Variants in HOOK1 observed in about 807,000 individuals in gnomAD.
The protein encoded by HOOK1 is protein Hook homolog 1.
HOOK1 carries 60 observed loss-of-function variants against 112.8 expected under a neutral mutation model. That is an observed-to-expected ratio of 0.53 (90% CI 0.43 to 0.66). The LOEUF (loss-of-function observed/expected upper bound fraction) is 0.66. Among genes scored for constraint, HOOK1 ranks in the 30% least tolerant of loss-of-function variants. The pLI is 0.00. For synonymous variants in HOOK1, 294 were observed against 283.8 expected (o/e 1.04, Z -0.36); for missense variants, 770 against 856.0 (o/e 0.90, Z 1.25).
chr1:59,815,309 G>A, intron 1 of HOOK1, 129 bp downstream of exon 1: 1 of 861,266 alleles, frequency 1.2e-6, no homozygotes, highest in Non-Finnish European at 1.7e-6. Flanking sequence ...TTCTCACCTC[G>A]TGCCCTTGAC....
At chr1:59,822,911 G>C (rs2098386656) in intron 2 of HOOK1, among the ~76,000 whole-genome samples, 1 of 152,154 alleles carries the variant, frequency 6.6e-6, no homozygotes, top group Non-Finnish European at 1.5e-5. Flanking sequence ...TGATTTAATG[G>C]TTAATTTATG....
chr1:59,840,049 C>T (rs901780836), intron 7 of HOOK1, among the ~76,000 whole-genome samples: 16 of 152,070 alleles, frequency 1.1e-4, no homozygotes, highest in Non-Finnish European at 1.6e-4. Flanking sequence ...CCAACTTGAT[C>T]GTGGTGGATA....
chr1:59,864,296 A>G (rs893061188), intron 16 of HOOK1, among the ~76,000 whole-genome samples: 1 of 151,922 alleles, frequency 6.6e-6, no homozygotes, highest in Non-Finnish European at 1.5e-5. Context: ...AAAATATTTT[A>G]ATGTTTGATA....
intron 5 of HOOK1, among the ~76,000 whole-genome samples, chr1:59,834,165 T>G (rs892707661): frequency 6.6e-6 from 1 of 152,164 alleles, no homozygotes. Context: ...GTGGTGAGAC[T>G]TTTGACGCTG....
At chr1:59,867,611 T>C (rs1008751408) in intron 19 of HOOK1, among the ~76,000 whole-genome samples, 7 of 152,186 alleles carry the variant, frequency 4.6e-5, no homozygotes, top group Non-Finnish European at 7.4e-5. Flanking sequence ...CTGAATTGGT[T>C]TTCTAACAGA....
rs752894861 is a variant in HOOK1 at position 59,836,897 on chromosome 1, T to C, written c.499T>C (p.Ser167Pro). ...GTTGATGAGTAAAGAAATATTGAGC[T>C]CTCCTCCAAATGATGCTGTTGGAGA... Reference protein sequence around the residue: ...QELMSKEILSSPPNDAVGELE... With the variant: ...QELMSKEILSPPPNDAVGELE... The change falls in exon 7 of 22, where the codon TCT becomes CCT. Residue 167 changes from serine to proline, a missense_variant. By Grantham distance (74) the Ser-to-Pro change is moderately conservative. Coordinates refer to ENST00000371208, the MANE Select transcript of HOOK1 (RefSeq NM_015888.6). 1 of 1,592,584 alleles carries C rather than the reference T, an allele frequency of 6.3e-7. No homozygotes were observed. The highest frequency in any genetic ancestry group is 1.1e-5 in the South Asian group (1 of 88,634).
At chr1:59,815,275 A>T (rs1200908550) in intron 1 of HOOK1, 95 bp downstream of exon 1, 12 of 1,204,004 alleles carry the variant, frequency 1.0e-5, no homozygotes, top group African/African-American at 1.5e-5. Flanking sequence ...GGCTACCTGC[A>T]CAGGGTCCCG....
chr1:59,819,328 T>G (rs1291165489), intron 1 of HOOK1, among the ~76,000 whole-genome samples: 1 of 151,916 alleles, frequency 6.6e-6, no homozygotes, highest in Admixed American at 6.6e-5. Context: ...TTTTGTATTT[T>G]TAGTAGAGAC....
Position 59,815,121 on chromosome 1 carries a change from G to A in HOOK1, c.4G>A (p.Glu2Lys). ...GTCGTCGACGGCGGCGCCGGCCATG[G>A]AGGAGACGCAGCCGCCGCCGCAGCC... Reference protein sequence around the residue: MEETQPPPQPKL... With the variant: MKETQPPPQPKL... The change falls in exon 1 of 22, where the codon GAG becomes AAG. Residue 2 changes from glutamate (E) to lysine (K), a missense_variant. Physicochemically the swap from Glu to Lys is moderately conservative, Grantham distance 56. Around this residue, in one of 3 missense-constraint regions of HOOK1, gnomAD observed 655 missense variants for 725.9 expected, o/e 0.90. Coordinates refer to ENST00000371208, the MANE Select transcript of HOOK1 (RefSeq NM_015888.6). 1 of 1,541,522 alleles carries A rather than the reference G, an allele frequency of 6.5e-7. No homozygotes were observed. The highest frequency in any genetic ancestry group is 8.7e-7 in the Non-Finnish European group (1 of 1,146,462).
At chr1:59,869,770 T>C (rs11207529) in intron 20 of HOOK1, among the ~76,000 whole-genome samples, 137,867 of 152,194 alleles carry the variant, frequency 0.91, 62,598 homozygotes, top group East Asian at 1. Context: ...GTAGGGAGAT[T>C]TGTCTGAAGA....
At chr1:59,861,617 A>G (rs2098413655) in intron 15 of HOOK1, among the ~76,000 whole-genome samples, 2 of 152,210 alleles carry the variant, frequency 1.3e-5, no homozygotes, top group African/African-American at 4.8e-5. Context: ...ATGGATAAGG[A>G]ATATGGATAC....
intron 10 of HOOK1, among the ~76,000 whole-genome samples, chr1:59,847,980 G>A (rs188846739): frequency 1.9e-4 from 29 of 151,854 alleles, no homozygotes; most frequent in Admixed American, 1.6e-3. Context: ...TGGCCTGTAA[G>A]CTGCAGAGCA....
chr1:59,871,233 T>G (rs1207806573), intron 21 of HOOK1, 123 bp downstream of exon 21: 11 of 604,402 alleles, frequency 1.8e-5, no homozygotes, highest in African/African-American at 5.6e-5. Flanking sequence ...AGCATGTTTA[T>G]GTATATGACT....
At chr1:59,822,624 G>A (rs1413177206) in intron 2 of HOOK1, among the ~76,000 whole-genome samples, 1 of 152,154 alleles carries the variant, frequency 6.6e-6, no homozygotes, top group African/African-American at 2.4e-5. Context: ...TGCACCCTAA[G>A]TAGGACAAAC....
At position 59,863,844 on chromosome 1, in the gene HOOK1, G is replaced by A. The variant is rs567252971; in HGVS notation, c.1627-788G>A. ...AAATAGAAATCGTCTCATGCATGGC[G>A]GCATCTCATATGTGCATATATACGG... On this transcript the variant is annotated intron_variant, in intron 16 of 21. Transcript: ENST00000371208. 8.2e-6 allele frequency: 8 copies of A among 970,336 alleles called. No homozygotes were observed. The East Asian group carries it at 5.7e-4, about 69-fold the overall frequency. 60.1% of individuals were successfully genotyped at this position (970,336 alleles called of 1,614,324 possible). A position where few individuals can be genotyped will look rare whatever the true frequency, so the allele number is the denominator to read the frequency against.
At chr1:59,856,190 T>G (rs1232723197) in intron 12 of HOOK1, among the ~76,000 whole-genome samples, 1 of 149,210 alleles carries the variant, frequency 6.7e-6, no homozygotes, top group East Asian at 1.9e-4. Context: ...AAACAATCCT[T>G]TCACCTTAGC....
At chr1:59,819,686 G>A (rs1031813091) in intron 1 of HOOK1, among the ~76,000 whole-genome samples, 1 of 152,100 alleles carries the variant, frequency 6.6e-6, no homozygotes, top group Non-Finnish European at 1.5e-5. Flanking sequence ...CTGTGCCTCT[G>A]AAATTGTCCT....
In HOOK1 at chr1:59,845,106, C is replaced by T. The variant is rs574925406; in HGVS notation, c.788+1508C>T. ...TTCTGAAGACTGGGAACTCCAAAAT[C>T]AAGGTACCAGCAGATTCAGTGTCTG... On this transcript the variant is annotated intron_variant, in intron 9 of 21. Coordinates refer to ENST00000371208, the MANE Select transcript of HOOK1 (RefSeq NM_015888.6). 3.9e-5 allele frequency among the ~76,000 whole-genome samples: 6 copies of T among 152,022 alleles called. 1 individual carries two copies. Among genetic ancestry groups the T allele is most frequent in the Admixed American group, 1.3e-4 (2 of 15,210 alleles).
Position 59,848,474 on chromosome 1 carries a change from A to T in HOOK1, c.1089A>T (p.Lys363Asn). 6.2e-7 allele frequency: 1 copy of T among 1,610,562 alleles called. No homozygotes were observed. The highest frequency in any genetic ancestry group is 8.5e-7 in the Non-Finnish European group (1 of 1,177,458). ...NTVSLEEELK[K>N]ANAARTQLET... Reference sequence around the variant, plus strand: ...TCAGCTTAGAAGAAGAATTAAAAAAAGCAAATGCAGCACGTACACAATTAG... The same window carrying T: ...TCAGCTTAGAAGAAGAATTAAAAAATGCAAATGCAGCACGTACACAATTAG... Residue 363 changes from lysine (K) to asparagine (N), a missense_variant, in exon 11 of 22, where the codon AAA becomes AAT. Lys to Asn is a moderately conservative substitution (Grantham distance 94). Transcript: ENST00000371208.
Sources: gnomAD v4.1 joint callset for allele counts (sites outside exome capture counted in the v4.1 genomes callset) on GRCh38, gnomAD v4.1.1 for gene constraint, gnomAD v4.1.1 regional missense constraint, MANE v1.5 for transcripts, NCBI Gene and HGNC (gene_info 2026-07-23, HGNC 2026-07-21) for gene names.